Variants in ZFPM2 observed in about 807,000 individuals in gnomAD.
The protein encoded by ZFPM2 is zinc finger protein, FOG family member 2.
Under a neutral mutation model 98.6 loss-of-function variants are expected in ZFPM2, and 20 were observed. That is an observed-to-expected ratio of 0.20 (90% CI 0.14 to 0.29). The LOEUF is 0.29. ZFPM2 is among the 10% of genes least tolerant of loss of function. The pLI, the probability that ZFPM2 is intolerant of heterozygous loss-of-function variation, is 1.00. For missense variants in ZFPM2, 1,310 were observed against 1,388.6 expected (o/e 0.94, Z 0.90); for synonymous variants, 518 against 502.7 (o/e 1.03, Z -0.41).
rs1294020638 is a variant in ZFPM2 at position 105,788,850 on chromosome 8, G to A, written c.665G>A (p.Arg222His). 9.3e-6 allele frequency: 15 copies of A among 1,613,772 alleles called. No individual in the cohort carries two copies. The highest frequency in any genetic ancestry group is 3.3e-5 in the Admixed American group (2 of 59,984). The change falls in exon 6 of 8, where the codon CGC (arginine) becomes CAC (histidine). Residue 222 changes from arginine to histidine, a missense_variant. By Grantham distance (29) the Arg-to-His change is conservative. Coordinates refer to ENST00000407775, the MANE Select transcript of ZFPM2 (RefSeq NM_012082.4). ...CTCACAGAAGGGATGTACCCTGCACGCCTGCTGGACTCAATTCAGCTGCTT... is the reference window on the plus strand; with the variant it reads ...CTCACAGAAGGGATGTACCCTGCACACCTGCTGGACTCAATTCAGCTGCTT... ...MTLTEGMYPA[R>H]LLDSIQLLPQ...
chr8:105,344,827 T>C (rs549372059), intron 1 of ZFPM2, among the ~76,000 whole-genome samples: 2 of 152,274 alleles, frequency 1.3e-5, no homozygotes, highest in South Asian at 2.1e-4. Flanking sequence ...AGTTTTATTA[T>C]GAATTCAATG....
intron 3 of ZFPM2, among the ~76,000 whole-genome samples, chr8:105,511,602 T>A (rs983039030): frequency 3.3e-5 from 5 of 152,226 alleles, no homozygotes; most frequent in African/African-American, 1.2e-4. Context: ...ACATTGCTGA[T>A]CCAATATTAA....
chr8:105,454,532 A>G (rs753157905), intron 3 of ZFPM2, among the ~76,000 whole-genome samples: 1 of 152,194 alleles, frequency 6.6e-6, no homozygotes, highest in Non-Finnish European at 1.5e-5. Flanking sequence ...ACTTGCAGTG[A>G]TAGTACCGTG....
chr8:105,770,585 A>C (rs1161395870), intron 5 of ZFPM2, among the ~76,000 whole-genome samples: 1 of 152,102 alleles, frequency 6.6e-6, no homozygotes, highest in African/African-American at 2.4e-5. Flanking sequence ...AATAATTTAT[A>C]ATTTCAGTTC....
intron 1 of ZFPM2, among the ~76,000 whole-genome samples, chr8:105,344,885 AC>A (rs1416998347): frequency 1.3e-5 from 2 of 152,172 alleles, no homozygotes; most frequent in Admixed American, 1.3e-4. Context: ...CAATATTTTT[AC>A]AACTTTATAT....
At chr8:105,622,860 G>T (rs996352594) in intron 4 of ZFPM2, among the ~76,000 whole-genome samples, 1 of 151,974 alleles carries the variant, frequency 6.6e-6, no homozygotes, top group Non-Finnish European at 1.5e-5. Flanking sequence ...CACTCTTATG[G>T]TTCTGAATCC....
At chr8:105,641,921 C>T (rs1816955815) in intron 5 of ZFPM2, among the ~76,000 whole-genome samples, 3 of 152,024 alleles carry the variant, frequency 2.0e-5, no homozygotes, top group Non-Finnish European at 4.4e-5. Context: ...ATGAATGAAG[C>T]TTCTGTCTCT....
chr8:105,632,992 A>G (rs992937097), intron 4 of ZFPM2, among the ~76,000 whole-genome samples: 21 of 152,184 alleles, frequency 1.4e-4, no homozygotes, highest in African/African-American at 4.8e-4. Flanking sequence ...AATATAATTG[A>G]TATTTTAATA....
Position 105,660,433 on chromosome 8 carries a change from G to A in ZFPM2, c.532+26076G>A, listed in dbSNP as rs369761831. ...AGGCTGCAGACCATAGTATATAATA[G>A]TGATGGTGAAGAATGAATCCCTGCC... On this transcript the variant is annotated intron_variant, in intron 5 of 7. Transcript: ENST00000407775. 3.0e-4 allele frequency among the ~76,000 whole-genome samples: 46 copies of A among 152,264 alleles called. 1 individual carries two copies. In the South Asian group the frequency reaches 9.1e-3, roughly 30 times the overall value.
At chr8:105,411,534 G>T (rs990963731) in intron 1 of ZFPM2, among the ~76,000 whole-genome samples, 6 of 151,794 alleles carry the variant, frequency 4.0e-5, no homozygotes, top group African/African-American at 1.2e-4. Flanking sequence ...AAAGAAAAGA[G>T]AATAAGCTAA....
In ZFPM2 at chr8:105,784,906, T is replaced by G. The variant is rs1813366923; in HGVS notation, c.533-3812T>G. 2 of 145,896 alleles carry G rather than the reference T, an allele frequency of 1.4e-5. 1 individual carries two copies. Among genetic ancestry groups the G allele is most frequent in the African/African-American group, 5.6e-5 (2 of 35,428 alleles). 9.0% of individuals were successfully genotyped at this position (145,896 alleles called of 1,614,324 possible). A position where few individuals can be genotyped will look rare whatever the true frequency, so the allele number is the denominator to read the frequency against. ...CTCCCTCAAGTTGTACGTTCTAAGT[T>G]CACCATCTAAAAACTCAGCCAAACA... On this transcript the variant is annotated intron_variant, in intron 5 of 7. Coordinates refer to ENST00000407775, the MANE Select transcript of ZFPM2 (RefSeq NM_012082.4).
intron 3 of ZFPM2, among the ~76,000 whole-genome samples, chr8:105,509,408 G>A (rs1813768983): frequency 6.6e-6 from 1 of 152,090 alleles, no homozygotes; most frequent in Non-Finnish European, 1.5e-5. Context: ...GGTAGCTGTT[G>A]ACCTTTCACC....
At chr8:105,757,664 A>G (rs1285597889) in intron 5 of ZFPM2, among the ~76,000 whole-genome samples, 1 of 152,178 alleles carries the variant, frequency 6.6e-6, no homozygotes, top group East Asian at 1.9e-4. Flanking sequence ...TTGAACATAT[A>G]CTTACACACC....
intron 1 of ZFPM2, among the ~76,000 whole-genome samples, chr8:105,368,983 T>A (rs117667829): frequency 0.012 from 1,809 of 152,292 alleles, 13 homozygotes; most frequent in Non-Finnish European, 0.019. Flanking sequence ...AAAGTACTTC[T>A]CAACATTAAC....
chr8:105,411,338 A>G (rs780973276), intron 1 of ZFPM2, among the ~76,000 whole-genome samples: 5 of 151,762 alleles, frequency 3.3e-5, no homozygotes, highest in African/African-American at 1.2e-4. Flanking sequence ...CACCAGTCTC[A>G]TATCTTGTGA....
At chr8:105,426,011 C>T (rs557537067) in intron 2 of ZFPM2, among the ~76,000 whole-genome samples, 1 of 152,114 alleles carries the variant, frequency 6.6e-6, no homozygotes, top group South Asian at 2.1e-4. Context: ...TTTATAAATC[C>T]TTTCAATGAA....
intron 1 of ZFPM2, among the ~76,000 whole-genome samples, chr8:105,375,102 T>C (rs975001436): frequency 9.2e-5 from 14 of 152,222 alleles, no homozygotes; most frequent in African/African-American, 2.4e-4. Context: ...TTATTTGATA[T>C]TTGTCCAATG....
At chr8:105,672,376 CT>C (rs1290090993) in intron 5 of ZFPM2, among the ~76,000 whole-genome samples, 1 of 151,656 alleles carries the variant, frequency 6.6e-6, no homozygotes, top group Non-Finnish European at 1.5e-5. Flanking sequence ...CAACATTTTT[CT>C]CTGTTTTCAG....
chr8:105,617,020 G>GAAAAAAAAAAAAAAAA (rs773023421), intron 4 of ZFPM2, among the ~76,000 whole-genome samples: 3 of 28,136 alleles, frequency 1.1e-4, no homozygotes, highest in African/African-American at 1.5e-4. Flanking sequence ...ACTCTGTCTC[G>GAAAAAAAAAAAAAAAA]AAAAAAAAAA....
Sources: allele counts gnomAD v4.1 joint callset (sites outside exome capture counted in the v4.1 genomes callset), GRCh38; gene constraint gnomAD v4.1.1; transcripts MANE v1.5; gene names NCBI Gene and HGNC (gene_info 2026-07-23, HGNC 2026-07-21).